Variants in CFAP47 observed in about 807,000 individuals in gnomAD.
CFAP47 encodes the protein cilia and flagella associated protein 47.
In CFAP47, 29 loss-of-function variants were observed where a neutral mutation model predicts 148.1. The observed-to-expected ratio is 0.20, with a 90% CI of 0.15 to 0.27. The LOEUF (loss-of-function observed/expected upper bound fraction) is 0.27. CFAP47 is among the 10% of genes least tolerant of loss of function. The pLI, the probability that CFAP47 is intolerant of heterozygous loss-of-function variation, is 1.00. For synonymous variants in CFAP47, 664 were observed against 577.3 expected (o/e 1.15, Z -2.15); for missense variants, 1,872 against 1,697.5 (o/e 1.10, Z -1.81).
intron 1 of CFAP47, among the ~76,000 whole-genome samples, chrX:35,920,730 A>G (rs1935564990): frequency 9.0e-6 from 1 of 111,652 alleles, no homozygotes; most frequent in African/African-American, 3.3e-5. Context: ...GTATGATCAC[A>G]TTTTCTCAGG....
intron 3 of CFAP47, among the ~76,000 whole-genome samples, chrX:35,943,623 T>C (rs936514638): frequency 4.5e-5 from 5 of 111,557 alleles, no homozygotes; most frequent in Non-Finnish European, 7.5e-5. Flanking sequence ...GTCCATTCTT[T>C]ATGGTGTCTC....
At chrX:35,957,630 C>T (rs1936266001) in intron 8 of CFAP47, among the ~76,000 whole-genome samples, 1 of 112,024 alleles carries the variant, frequency 8.9e-6, no homozygotes, top group African/African-American at 3.2e-5. Context: ...GTCCAAGTCT[C>T]TTAAACCTAC....
chrX:36,155,928 T>G (rs1258905270), intron 37 of CFAP47, among the ~76,000 whole-genome samples: 1 of 111,180 alleles, frequency 9.0e-6, no homozygotes, highest in Admixed American at 9.6e-5. Flanking sequence ...AAGATATAAA[T>G]CAATAATTAT....
intron 49 of CFAP47, among the ~76,000 whole-genome samples, chrX:36,275,415 C>CGT (rs35781816): frequency 0.086 from 7,518 of 87,561 alleles, 298 homozygotes; most frequent in African/African-American, 0.14. Flanking sequence ...GTGAGATCGT[C>CGT]GTGTGTGTGT....
intron 30 of CFAP47, among the ~76,000 whole-genome samples, chrX:36,097,994 T>C (rs1938307293): frequency 9.0e-6 from 1 of 111,731 alleles, no homozygotes; most frequent in African/African-American, 3.3e-5. Context: ...GTGTGCCTCA[T>C]TGTTTTTATT....
chrX:36,274,523 A>T (rs1299073627), intron 49 of CFAP47, among the ~76,000 whole-genome samples: 1 of 111,812 alleles, frequency 8.9e-6, no homozygotes, highest in Non-Finnish European at 1.9e-5. Flanking sequence ...GGGCATCTAT[A>T]CTTGATAGTA....
In CFAP47 at chrX:36,035,729, T is replaced by G; in HGVS notation, c.3686T>G (p.Val1229Gly). The G allele has an allele frequency of 3.4e-6, 1 of 296,412 alleles. No homozygotes were observed. The highest frequency in any genetic ancestry group is 4.8e-5 in the East Asian group (1 of 20,937). The allele number at this position is 296,412 out of a possible 1,213,427, so 24.4% of individuals were successfully genotyped here. A position where few individuals can be genotyped will look rare whatever the true frequency, so the allele number is the denominator to read the frequency against. ...TTATATAATATTACCAAACACCATGTGACATGGACTTTGGATCTTAGTAAT... is the reference window on the plus strand; with the variant it reads ...TTATATAATATTACCAAACACCATGGGACATGGACTTTGGATCTTAGTAAT... ...LVLYNITKHH[V>G]TWTLDLSNTG... The change falls in exon 24 of 64, where the codon GTG (valine) becomes GGG (glycine). Residue 1229 changes from valine (V) to glycine (G), a missense_variant. Coordinates refer to ENST00000378653, the MANE Select transcript of CFAP47 (RefSeq NM_001304548.2).
At chrX:35,966,388 A>G (rs918077712) in intron 8 of CFAP47, among the ~76,000 whole-genome samples, 177 bp from the exon 9 acceptor site, 15 of 107,221 alleles carry the variant, frequency 1.4e-4, no homozygotes, top group African/African-American at 4.6e-4. Context: ...AAATTATTTA[A>G]GAAAAGTAAT....
intron 49 of CFAP47, among the ~76,000 whole-genome samples, chrX:36,254,464 T>A (rs781796840): frequency 1.8e-5 from 2 of 110,572 alleles, no homozygotes; most frequent in South Asian, 7.7e-4. Flanking sequence ...ATGAGTCAAC[T>A]GAGTTTGAAA....
intron 39 of CFAP47, among the ~76,000 whole-genome samples, chrX:36,170,951 G>A (rs60062669): frequency 0.059 from 6,324 of 107,344 alleles, 293 homozygotes; most frequent in African/African-American, 0.11. Context: ...CATCCTCTCC[G>A]GCACCTGTTG....
intron 29 of CFAP47, among the ~76,000 whole-genome samples, chrX:36,074,192 A>G (rs1317287276): frequency 8.9e-6 from 1 of 112,166 alleles, no homozygotes; most frequent in Non-Finnish European, 1.9e-5. Context: ...GAGAAAATTA[A>G]TGCAATTGAT....
chrX:36,080,582 A>G (rs1297865543), intron 29 of CFAP47, among the ~76,000 whole-genome samples: 1 of 112,024 alleles, frequency 8.9e-6, no homozygotes, highest in Non-Finnish European at 1.9e-5. Context: ...CATATACACC[A>G]TGGAATACTA....
At chrX:36,260,791 G>A (rs1433269726) in intron 49 of CFAP47, among the ~76,000 whole-genome samples, 1 of 111,911 alleles carries the variant, frequency 8.9e-6, no homozygotes, top group African/African-American at 3.3e-5. Flanking sequence ...TCTATGTCCA[G>A]AATGGTATGT....
intron 26 of CFAP47, among the ~76,000 whole-genome samples, chrX:36,061,860 G>T (rs780624431): frequency 8.9e-6 from 1 of 111,826 alleles, no homozygotes; most frequent in Admixed American, 9.5e-5. Context: ...TTTAAAGCAT[G>T]TTCAAAACAC....
At chrX:36,003,430 T>A (rs1936939293) in intron 21 of CFAP47, among the ~76,000 whole-genome samples, 1 of 109,370 alleles carries the variant, frequency 9.1e-6, no homozygotes, top group African/African-American at 3.3e-5. Flanking sequence ...ATACCTTTGT[T>A]TTGAATATCA....
intron 52 of CFAP47, among the ~76,000 whole-genome samples, 152 bp from the exon 53 acceptor site, chrX:36,300,920 A>G (rs192082913): frequency 2.1e-4 from 24 of 112,581 alleles, no homozygotes; most frequent in Non-Finnish European, 3.0e-4. Flanking sequence ...TTAAAAATAC[A>G]TCTACAAAAA....
At chrX:36,034,936 A>G (rs2146722021) in intron 23 of CFAP47, among the ~76,000 whole-genome samples, 1 of 110,840 alleles carries the variant, frequency 9.0e-6, no homozygotes, top group African/African-American at 3.3e-5. Flanking sequence ...TAATCCACAT[A>G]GACACATATA....
intron 45 of CFAP47, chrX:36,211,364 G>A: frequency 4.0e-6 from 1 of 249,915 alleles, no homozygotes; most frequent in Non-Finnish European, 7.7e-6. Context: ...TTAAAGGGGA[G>A]ACAAAAAAGA....
Position 35,941,045 on chromosome X carries a change from T to C in CFAP47, c.402-238T>C, listed in dbSNP as rs560306971. 3.6e-5 allele frequency among the ~76,000 whole-genome samples: 4 copies of C among 111,990 alleles called. No homozygotes were observed. The East Asian group carries it at 8.4e-4, about 24-fold the overall frequency. ...TTCAAACTATTTATTTGGGATGACATACCATGCACTTAGATGCATAAAGTC... is the reference window on the plus strand; with the variant it reads ...TTCAAACTATTTATTTGGGATGACACACCATGCACTTAGATGCATAAAGTC... On this transcript the variant is annotated intron_variant, in intron 2 of 63. Transcript: ENST00000378653.
Sources: gnomAD v4.1 joint callset for allele counts (sites outside exome capture counted in the v4.1 genomes callset) on GRCh38, gnomAD v4.1.1 for gene constraint, MANE v1.5 for transcripts, NCBI Gene and HGNC (gene_info 2026-07-23, HGNC 2026-07-21) for gene names.